BEAN1: variants seen among roughly 807,000 people sequenced by gnomAD.
BEAN1 encodes the protein protein BEAN1.
BEAN1 carries 17 observed loss-of-function variants against 17.7 expected under a neutral mutation model. The ratio of observed to expected loss-of-function variants is 0.96; its 90% CI spans 0.66 to 1.44. The LOEUF (loss-of-function observed/expected upper bound fraction) is 1.44. Ranked by LOEUF, BEAN1 falls within the 40% of genes most tolerant of loss-of-function variation. The pLI, the probability that BEAN1 is intolerant of heterozygous loss-of-function variation, is 0.00. For missense variants in BEAN1, 359 were observed against 374.1 expected (o/e 0.96, Z 0.33); for synonymous variants, 142 against 151.8 (o/e 0.94, Z 0.47).
chr16:66,448,580 G>A (rs1962544867), intron 2 of BEAN1, among the ~76,000 whole-genome samples: 1 of 152,196 alleles, frequency 6.6e-6, no homozygotes, highest in African/African-American at 2.4e-5. Flanking sequence ...CCAGCACTTT[G>A]GGAGGCTGAG....
chr16:66,445,475 C>CAAA (rs61540693), intron 2 of BEAN1, among the ~76,000 whole-genome samples: 3 of 49,328 alleles, frequency 6.1e-5, no homozygotes, highest in African/African-American at 2.4e-4. Flanking sequence ...GACTCCGTCT[C>CAAA]AAAAAAAAAA....
chr16:66,478,795 G>T (rs976883191), intron 4 of BEAN1, among the ~76,000 whole-genome samples: 18 of 152,154 alleles, frequency 1.2e-4, no homozygotes, highest in Admixed American at 1.1e-3. Flanking sequence ...AGGATGGGCT[G>T]ACACAGGAAA....
chr16:66,493,032 G>A, exon 5 of BEAN1: 1 of 702,996 alleles, frequency 1.4e-6, no homozygotes. Context: ...GCCATCCTGG[G>A]CAGGCTGGGC....
chr16:66,491,233 G>T (rs1964172578), intron 4 of BEAN1, among the ~76,000 whole-genome samples: 1 of 152,240 alleles, frequency 6.6e-6, no homozygotes, highest in Non-Finnish European at 1.5e-5. Flanking sequence ...GCCAGAGGAA[G>T]TGGCCCTTGC....
intron 2 of BEAN1, among the ~76,000 whole-genome samples, chr16:66,459,878 C>G (rs1468772599): frequency 6.6e-6 from 1 of 152,226 alleles, no homozygotes; most frequent in Non-Finnish European, 1.5e-5. Context: ...AGCACCTACT[C>G]TGTTCCGACA....
At position 66,448,925 on chromosome 16, in the gene BEAN1, G is replaced by T. The variant is rs971328299; in HGVS notation, c.25+11224G>T. Reference sequence around the variant, plus strand: ...TTTGGGAGGCTAAGGCAGGAGGATTGCTAGTGTCCAGGAGTTCAAGGCTTC... The same window carrying T: ...TTTGGGAGGCTAAGGCAGGAGGATTTCTAGTGTCCAGGAGTTCAAGGCTTC... On this transcript the variant is annotated intron_variant, in intron 2 of 4. Coordinates refer to ENST00000536005, the MANE Select transcript of BEAN1 (RefSeq NM_001178020.3). Among the ~76,000 whole-genome samples, 7 of 152,292 alleles carry T rather than the reference G, an allele frequency of 4.6e-5. No homozygotes were observed. In the East Asian group the frequency reaches 1.4e-3, roughly 29 times the overall value.
At chr16:66,433,312 T>A (rs200141260) in intron 1 of BEAN1, among the ~76,000 whole-genome samples, 2 of 152,096 alleles carry the variant, frequency 1.3e-5, no homozygotes, top group East Asian at 3.9e-4. Flanking sequence ...GATTTCACCA[T>A]GTTGGCCAGG....
At chr16:66,441,934 G>T (rs1410843187) in intron 2 of BEAN1, among the ~76,000 whole-genome samples, 1 of 152,096 alleles carries the variant, frequency 6.6e-6, no homozygotes, top group Non-Finnish European at 1.5e-5. Flanking sequence ...GCTCATCCCT[G>T]CCCCTCATGG....
chr16:66,445,469 C>A (rs1363525608), intron 2 of BEAN1, among the ~76,000 whole-genome samples: 3 of 100,348 alleles, frequency 3.0e-5, no homozygotes, highest in African/African-American at 7.8e-5. Context: ...GAGTGAGACT[C>A]CGTCTCAAAA....
At chr16:66,455,011 T>C (rs1185198338) in intron 2 of BEAN1, among the ~76,000 whole-genome samples, 1 of 152,170 alleles carries the variant, frequency 6.6e-6, no homozygotes, top group Non-Finnish European at 1.5e-5. Flanking sequence ...CTCAGTTCGT[T>C]GTATGCCTTT....
rs1197204067 is a variant in BEAN1, at chr16:66,434,404, C to CA, written c.-82-3190dup. On this transcript the variant is annotated intron_variant, in intron 1 of 4. Coordinates refer to ENST00000536005, the MANE Select transcript of BEAN1 (RefSeq NM_001178020.3). This position sits in a 1 kb window ranked among gnomAD's most constrained non-coding sequence, Gnocchi z 4.3. ...TGACCCCGACAAAGCTCTACCCTAG[C>CA]AGAGGGTCTGATGCCACCAGGGAGT... Among the ~76,000 whole-genome samples, 1 of 152,198 alleles carries CA rather than the reference C, an allele frequency of 6.6e-6. No individual in the cohort carries two copies. The highest frequency in any genetic ancestry group is 2.4e-5 in the African/African-American group (1 of 41,446).
chr16:66,458,204 G>A (rs1237535535), intron 2 of BEAN1, among the ~76,000 whole-genome samples: 1 of 152,172 alleles, frequency 6.6e-6, no homozygotes, highest in African/African-American at 2.4e-5. Context: ...CTTTGTCACT[G>A]CAGCTCAGGT....
intron 3 of BEAN1, among the ~76,000 whole-genome samples, chr16:66,474,569 A>AGGGAGAGAGGGAGG (rs1963623049): frequency 3.6e-4 from 14 of 38,800 alleles, no homozygotes; most frequent in African/African-American, 1.6e-3. Flanking sequence ...AGGGAGGGAG[A>AGGGAGAGAGGGAGG]GAGGGAGGGA....
intron 2 of BEAN1, among the ~76,000 whole-genome samples, chr16:66,456,431 C>T (rs1962869693): frequency 6.6e-6 from 1 of 152,146 alleles, no homozygotes; most frequent in Admixed American, 6.5e-5. Flanking sequence ...AACCCAATTC[C>T]ACTGTCTCCT....
At chr16:66,476,970 G>A (rs1213556923) in intron 3 of BEAN1, among the ~76,000 whole-genome samples, 1 of 152,148 alleles carries the variant, frequency 6.6e-6, no homozygotes, top group Non-Finnish European at 1.5e-5. Context: ...GGCAGTGAGT[G>A]TGGGAGGGCT....
chr16:66,441,423 G>A (rs1463587034), intron 2 of BEAN1, among the ~76,000 whole-genome samples: 5 of 152,094 alleles, frequency 3.3e-5, no homozygotes, highest in Admixed American at 2.6e-4. Context: ...CAGATCTGGA[G>A]CTGTTGTGCA....
At chr16:66,455,894 C>A (rs550193271) in intron 2 of BEAN1, among the ~76,000 whole-genome samples, 1 of 152,228 alleles carries the variant, frequency 6.6e-6, no homozygotes, top group South Asian at 2.1e-4. Context: ...ACCATATTGC[C>A]CAGGGTGGTC....
intron 2 of BEAN1, among the ~76,000 whole-genome samples, chr16:66,457,846 G>C (rs1434120527): frequency 6.6e-6 from 1 of 151,476 alleles, no homozygotes; most frequent in Non-Finnish European, 1.5e-5. Context: ...GCCCTGCCCT[G>C]CCATGTCCCC....
chr16:66,445,096 G>A (rs1056217550), intron 2 of BEAN1, among the ~76,000 whole-genome samples: 6 of 152,146 alleles, frequency 3.9e-5, no homozygotes, highest in African/African-American at 1.4e-4. Flanking sequence ...CTCTTATGGT[G>A]CCAACATAGC....
Sources: allele counts gnomAD v4.1 joint callset (sites outside exome capture counted in the v4.1 genomes callset), GRCh38; gene constraint gnomAD v4.1.1; non-coding constraint Gnocchi (gnomAD v3.1); transcripts MANE v1.5; gene names NCBI Gene and HGNC (gene_info 2026-07-23, HGNC 2026-07-21).